Variants in PLCG2 observed in about 807,000 individuals in gnomAD.
PLCG2 encodes the protein phospholipase C gamma 2, also known as 1-phosphatidylinositol 4,5-bisphosphate phosphodiesterase gamma-2.
In PLCG2, 69 loss-of-function variants were observed where a neutral mutation model predicts 175.6. That is an observed-to-expected ratio of 0.39 (90% CI 0.32 to 0.48). PLCG2 has a LOEUF of 0.48. Ranked by LOEUF, PLCG2 falls within the 20% of genes least tolerant of loss-of-function variation. The pLI is 0.91. For missense variants in PLCG2, 1,798 were observed against 1,650.9 expected, an observed-to-expected ratio of 1.09 and a Z score of -1.54; for synonymous variants, 827 against 624.0, an observed-to-expected ratio of 1.33 and a Z score of -4.85.
chr16:81,828,063 C>T (rs912496953), intron 2 of PLCG2, among the ~76,000 whole-genome samples: 5 of 143,622 alleles, frequency 3.5e-5, no homozygotes, highest in Non-Finnish European at 7.5e-5. Flanking sequence ...GCACTCCAGC[C>T]TGCGCAACAA....
intron 27 of PLCG2, among the ~76,000 whole-genome samples, chr16:81,936,686 T>A (rs1406256568): frequency 3.3e-5 from 5 of 152,224 alleles, no homozygotes; most frequent in African/African-American, 1.2e-4. Flanking sequence ...GGAGTTCTCT[T>A]CTCCAGGCCT....
At chr16:81,944,455 A>T (rs1344888150) in intron 30 of PLCG2, among the ~76,000 whole-genome samples, 2 of 152,154 alleles carry the variant, frequency 1.3e-5, no homozygotes, top group African/African-American at 2.4e-5. Flanking sequence ...ATATGCAAAT[A>T]CTACGCCACT....
chr16:81,761,362 C>G (rs1339005996), intron 2 of PLCG2, among the ~76,000 whole-genome samples: 1 of 152,154 alleles, frequency 6.6e-6, no homozygotes, highest in African/African-American at 2.4e-5. Flanking sequence ...CAGACCTTGT[C>G]TTTAAAGTAA....
intron 5 of PLCG2, among the ~76,000 whole-genome samples, chr16:81,868,010 C>T (rs1018098091): frequency 6.6e-6 from 1 of 152,152 alleles, no homozygotes; most frequent in Non-Finnish European, 1.5e-5. Flanking sequence ...CCCTCGCTTC[C>T]CGCTTCAGCT....
intron 12 of PLCG2, 155 bp from the exon 13 acceptor site, chr16:81,895,652 G>A (rs771746857): frequency 6.2e-5 from 45 of 724,876 alleles, no homozygotes; most frequent in East Asian, 3.2e-4. Flanking sequence ...GGAACCCTGC[G>A]GATACAGGGA....
chr16:81,883,540 A>T, intron 9 of PLCG2, 199 bp downstream of exon 9: 1 of 597,830 alleles, frequency 1.7e-6, no homozygotes, highest in South Asian at 2.0e-5. Flanking sequence ...ATGCCACTGA[A>T]ACTCTGGATG....
chr16:81,768,990 G>T (rs7197313), intron 2 of PLCG2, among the ~76,000 whole-genome samples: 2 of 152,216 alleles, frequency 1.3e-5, no homozygotes, highest in African/African-American at 4.8e-5. Flanking sequence ...CTTATCCTCA[G>T]AGCCTGTAGT....
At chr16:81,883,474 G>C (rs1908195771) in intron 9 of PLCG2, 133 bp downstream of exon 9, 1 of 675,270 alleles carries the variant, frequency 1.5e-6, no homozygotes. Context: ...CTGGCCACCT[G>C]TCTTCATGGA....
At chr16:81,879,378 C>T (rs8062633) in intron 7 of PLCG2, among the ~76,000 whole-genome samples, 18,480 of 152,216 alleles carry the variant, frequency 0.12, 1,239 homozygotes, top group Non-Finnish European at 0.15. Flanking sequence ...TACACATCAA[C>T]GAAAGGAAGT....
chr16:81,960,535 T>C lies in PLCG2; in HGVS notation c.*2537T>C, dbSNP rs543027046. 1 of 231,572 alleles carries C rather than the reference T, an allele frequency of 4.3e-6. No individual in the cohort carries two copies. Among genetic ancestry groups the C allele is most frequent in the Admixed American group, 5.6e-5 (1 of 17,738 alleles). The allele number at this position is 231,572 out of a possible 1,614,324, so 14.3% of individuals were successfully genotyped here. A position where few individuals can be genotyped will look rare whatever the true frequency, so the allele number is the denominator to read the frequency against. ...GCCTTGTGAGTTTGGGAAACTTAGGTTATAAAAACTAAATAAAGTTTTTCT... is the reference window on the plus strand; with the variant it reads ...GCCTTGTGAGTTTGGGAAACTTAGGCTATAAAAACTAAATAAAGTTTTTCT... On this transcript the variant is annotated 3_prime_UTR_variant, in exon 33 of 33. Transcript: ENST00000564138.
chr16:81,877,262 G>A (rs575712632), intron 7 of PLCG2, among the ~76,000 whole-genome samples: 1 of 152,194 alleles, frequency 6.6e-6, no homozygotes. Flanking sequence ...AGACCATCCT[G>A]GCTGACACGG....
chr16:81,915,273 G>C (rs1330799206), intron 19 of PLCG2, among the ~76,000 whole-genome samples: 1 of 152,182 alleles, frequency 6.6e-6, no homozygotes, highest in Admixed American at 6.5e-5. Context: ...TATTTGTAAA[G>C]TGCCTCTCCT....
intron 10 of PLCG2, among the ~76,000 whole-genome samples, chr16:81,891,121 C>T (rs1908610539): frequency 6.6e-6 from 1 of 152,088 alleles, no homozygotes; most frequent in Non-Finnish European, 1.5e-5. Context: ...TGAAATTGTG[C>T]CACTGCACTC....
chr16:81,895,583 AAGC>A, intron 12 of PLCG2: 2 of 481,316 alleles, frequency 4.2e-6, no homozygotes, highest in Non-Finnish European at 7.4e-6. Flanking sequence ...ATGAAAAAAA[AAGC>A]AGCATTGAAA....
chr16:81,908,697 T>G (rs1909487183), intron 17 of PLCG2, 106 bp downstream of exon 17: 1 of 959,452 alleles, frequency 1.0e-6, no homozygotes, highest in Middle Eastern at 3.4e-4. Flanking sequence ...GGCTGGGACC[T>G]GAATCCCAGG....
intron 1 of PLCG2, among the ~76,000 whole-genome samples, chr16:81,748,912 G>T (rs927689115): frequency 1.3e-5 from 2 of 152,198 alleles, no homozygotes; most frequent in African/African-American, 4.8e-5. Flanking sequence ...GATTGAAACA[G>T]TCTTGACTAT....
At chr16:81,790,345 C>T (rs1460873924) in intron 2 of PLCG2, among the ~76,000 whole-genome samples, 1 of 152,172 alleles carries the variant, frequency 6.6e-6, no homozygotes, top group African/African-American at 2.4e-5. Flanking sequence ...TTTGAGCATG[C>T]AGTGGAGGTC....
intron 19 of PLCG2, among the ~76,000 whole-genome samples, 196 bp downstream of exon 19, chr16:81,912,912 C>G (rs1233963267): frequency 1.3e-5 from 2 of 152,260 alleles, no homozygotes; most frequent in Non-Finnish European, 2.9e-5. Context: ...TCTGCGTTCT[C>G]CAGGGCAGGA....
chr16:81,756,365 G>A (rs908828541), intron 2 of PLCG2, among the ~76,000 whole-genome samples: 1 of 152,228 alleles, frequency 6.6e-6, no homozygotes, highest in East Asian at 1.9e-4. Context: ...TCAGCGATCT[G>A]TAAGATTTAT....
Sources: allele counts gnomAD v4.1 joint callset (sites outside exome capture counted in the v4.1 genomes callset), GRCh38; gene constraint gnomAD v4.1.1; transcripts MANE v1.5; gene names NCBI Gene and HGNC (gene_info 2026-07-23, HGNC 2026-07-21).